The following TAFA1 variants were observed in gnomAD, a reference collection of about 807,000 sequenced individuals.
The protein encoded by TAFA1 is TAFA chemokine like family member 1.
In TAFA1, 4 loss-of-function variants were observed where a neutral mutation model predicts 18.5. That is an observed-to-expected ratio of 0.22 (90% confidence interval 0.11 to 0.49). The LOEUF is 0.49. Among genes scored for constraint, TAFA1 ranks in the 20% least tolerant of loss-of-function variants. The pLI, the probability that TAFA1 is intolerant of heterozygous loss-of-function variation, is 0.98. For missense variants in TAFA1, 147 were observed against 169.0 expected, an observed-to-expected ratio of 0.87 and a Z score of 0.72; for synonymous variants, 56 against 55.2, an observed-to-expected ratio of 1.01 and a Z score of -0.06.
chr3:68,159,400 G>A (rs1157462415), intron 2 of TAFA1, among the ~76,000 whole-genome samples: 1 of 152,146 alleles, frequency 6.6e-6, no homozygotes, highest in African/African-American at 2.4e-5. Context: ...GAGACTTTGA[G>A]AGGCAAAACA....
At chr3:68,441,775 G>C (rs2106870011) in intron 3 of TAFA1, among the ~76,000 whole-genome samples, 1 of 152,274 alleles carries the variant, frequency 6.6e-6, no homozygotes, top group Middle Eastern at 3.4e-3. Context: ...GACAGAGGAA[G>C]AGAAGACTAG....
chr3:68,009,457 T>C (rs1395583161), intron 2 of TAFA1, among the ~76,000 whole-genome samples: 6 of 152,234 alleles, frequency 3.9e-5, no homozygotes, highest in African/African-American at 7.2e-5. Flanking sequence ...TATCAACCAA[T>C]GCGTGGTTGA....
At chr3:68,461,120 G>T (rs1286628313) in intron 3 of TAFA1, among the ~76,000 whole-genome samples, 1 of 151,592 alleles carries the variant, frequency 6.6e-6, no homozygotes, top group East Asian at 2.0e-4. Flanking sequence ...CGACTCTAAT[G>T]AAAATACAAA....
intron 3 of TAFA1, among the ~76,000 whole-genome samples, chr3:68,524,830 C>G (rs12488001): frequency 0.22 from 32,732 of 151,860 alleles, 4,483 homozygotes; most frequent in East Asian, 0.49. Flanking sequence ...GCCACCACCC[C>G]CTGCTAATTT....
intron 2 of TAFA1, among the ~76,000 whole-genome samples, chr3:68,400,952 A>G (rs2106745954): frequency 6.6e-6 from 1 of 152,276 alleles, no homozygotes; most frequent in East Asian, 1.9e-4. Context: ...GTGTGGGCAA[A>G]TTACTGTTCT....
intron 3 of TAFA1, among the ~76,000 whole-genome samples, chr3:68,491,099 A>G (rs531342681): frequency 1.3e-5 from 2 of 152,284 alleles, no homozygotes; most frequent in African/African-American, 2.4e-5. Context: ...TCGGCCTTCT[A>G]AAGTGCTAGG....
chr3:68,336,906 A>G (rs1187768981), intron 2 of TAFA1, among the ~76,000 whole-genome samples: 1 of 152,010 alleles, frequency 6.6e-6, no homozygotes, highest in African/African-American at 2.4e-5. Flanking sequence ...TTATTTTTAG[A>G]AGAGATGGGG....
At chr3:68,088,116 G>A (rs760648854) in intron 2 of TAFA1, among the ~76,000 whole-genome samples, 5 of 152,108 alleles carry the variant, frequency 3.3e-5, no homozygotes, top group East Asian at 1.9e-4. Flanking sequence ...TAACACAGCT[G>A]GCTATTACTT....
At chr3:68,383,793 G>T (rs2070032157) in intron 2 of TAFA1, among the ~76,000 whole-genome samples, 1 of 152,056 alleles carries the variant, frequency 6.6e-6, no homozygotes. Context: ...ATTCAGCTGT[G>T]AAACCTTCTG....
intron 2 of TAFA1, among the ~76,000 whole-genome samples, chr3:68,120,235 TTC>T (rs1559527651): frequency 2.2e-5 from 3 of 137,414 alleles, no homozygotes; most frequent in African/African-American, 8.9e-5. Context: ...CTTTCTTTCT[TTC>T]TTTCTTTCTT....
intron 2 of TAFA1, among the ~76,000 whole-genome samples, chr3:68,084,836 G>A (rs2064951848): frequency 6.6e-6 from 1 of 150,598 alleles, no homozygotes. Flanking sequence ...ATAACAAAAA[G>A]TAGCCCCCAT....
chr3:68,061,196 A>G (rs1272429349), intron 2 of TAFA1, among the ~76,000 whole-genome samples: 2 of 152,228 alleles, frequency 1.3e-5, no homozygotes, highest in Non-Finnish European at 2.9e-5. Context: ...TTGATGCTAT[A>G]TGCAGACGGT....
upstream of TAFA1, among the ~76,000 whole-genome samples, chr3:67,999,276 C>T (rs112579215): frequency 0.24 from 9,343 of 39,554 alleles, 586 homozygotes; most frequent in East Asian, 0.47. Flanking sequence ...ATCCCCCCCC[C>T]CCCCCTCTCT....
intron 2 of TAFA1, among the ~76,000 whole-genome samples, chr3:68,408,109 T>C (rs903261422): frequency 6.6e-6 from 1 of 151,758 alleles, no homozygotes; most frequent in Non-Finnish European, 1.5e-5. Flanking sequence ...AAAGTGACTC[T>C]GAAAAAAATT....
chr3:68,096,285 A>G (rs963672931), intron 2 of TAFA1, among the ~76,000 whole-genome samples: 6 of 152,138 alleles, frequency 3.9e-5, no homozygotes, highest in African/African-American at 1.2e-4. Context: ...GTCAAATAGT[A>G]TTCCATTGTA....
intron 3 of TAFA1, among the ~76,000 whole-genome samples, chr3:68,432,465 T>C (rs891900000): frequency 8.6e-5 from 13 of 152,020 alleles, no homozygotes; most frequent in Non-Finnish European, 1.5e-4. Flanking sequence ...AATAAGTGCA[T>C]TTCTAGAGCT....
At chr3:68,491,432 C>T (rs538748521) in intron 3 of TAFA1, among the ~76,000 whole-genome samples, 57 of 151,130 alleles carry the variant, frequency 3.8e-4, no homozygotes, top group African/African-American at 1.3e-3. Context: ...AGTAAACTAT[C>T]GCCAAGAACA....
At chr3:67,994,425 A>G in the TAFA1 span, among the ~76,000 whole-genome samples, 9 of 152,180 alleles carry the variant, frequency 5.9e-5, no homozygotes, top group Non-Finnish European at 1.2e-4. Context: ...AATTATCTAT[A>G]GGATAATCTT....
At chr3:68,136,879 C>G (rs1000602170) in intron 2 of TAFA1, among the ~76,000 whole-genome samples, 1 of 152,110 alleles carries the variant, frequency 6.6e-6, no homozygotes, top group African/African-American at 2.4e-5. Flanking sequence ...CAAGTTTTAG[C>G]CCAGTGGTTT....
Sources: allele counts gnomAD v4.1 joint callset (sites outside exome capture counted in the v4.1 genomes callset), GRCh38; gene constraint gnomAD v4.1.1; transcripts MANE v1.5; gene names NCBI Gene and HGNC (gene_info 2026-07-23, HGNC 2026-07-21).